The following TAFA4 variants were observed in gnomAD, a reference collection of about 807,000 sequenced individuals.
The protein encoded by TAFA4 is chemokine-like protein TAFA-4.
In TAFA4, 20 loss-of-function variants were observed where a neutral mutation model predicts 21.1. The observed-to-expected ratio is 0.95, with a 90% CI of 0.67 to 1.38. TAFA4 has a LOEUF of 1.38. TAFA4 is among the 40% of genes most tolerant of loss of function. The pLI is 0.00. For missense variants in TAFA4, 211 were observed against 180.9 expected (o/e 1.17, Z -0.95); for synonymous variants, 71 against 67.4 (o/e 1.05, Z -0.26).
intron 4 of TAFA4, among the ~76,000 whole-genome samples, chr3:68,741,072 C>G (rs376154064): frequency 6.6e-6 from 1 of 152,144 alleles, no homozygotes; most frequent in Non-Finnish European, 1.5e-5. Context: ...TAATTGGAAT[C>G]GGGCTGTGTG....
intron 3 of TAFA4, among the ~76,000 whole-genome samples, chr3:68,834,728 C>T (rs1399740296): frequency 6.6e-6 from 1 of 152,080 alleles, no homozygotes; most frequent in Admixed American, 6.6e-5. Context: ...TCCTTGATTC[C>T]CCTCTTTCTC....
At chr3:68,903,013 T>TA (rs34313032) in intron 1 of TAFA4, among the ~76,000 whole-genome samples, 67,344 of 151,248 alleles carry the variant, frequency 0.45, 16,005 homozygotes, top group East Asian at 0.81. Context: ...CTGAAAAAAT[T>TA]AAAAAAAATC....
intron 4 of TAFA4, among the ~76,000 whole-genome samples, chr3:68,743,942 C>T (rs2106737600): frequency 6.6e-6 from 1 of 152,324 alleles, no homozygotes; most frequent in South Asian, 2.1e-4. Context: ...CTGAATACCA[C>T]AGATTGGTTC....
At chr3:68,789,328 T>C (rs1203946073) in intron 3 of TAFA4, among the ~76,000 whole-genome samples, 1 of 152,184 alleles carries the variant, frequency 6.6e-6, no homozygotes, top group Non-Finnish European at 1.5e-5. Context: ...CTGGGCTTTC[T>C]AGTCTGCTGG....
intron 3 of TAFA4, among the ~76,000 whole-genome samples, chr3:68,783,667 CACACACAGAGAG>C (rs1233402597): frequency 7.9e-4 from 74 of 93,950 alleles, no homozygotes; most frequent in Middle Eastern, 9.4e-3. Flanking sequence ...CACAGACACA[CACACACAGAGAG>C]AGAGAGAGAG....
At chr3:68,828,647 T>C (rs1157407421) in intron 3 of TAFA4, among the ~76,000 whole-genome samples, 2 of 152,220 alleles carry the variant, frequency 1.3e-5, no homozygotes, top group Non-Finnish European at 2.9e-5. Context: ...CAATTGTGAA[T>C]GGGAGTTCAC....
chr3:68,881,948 C>T (rs1301270182), intron 2 of TAFA4, among the ~76,000 whole-genome samples: 2 of 152,310 alleles, frequency 1.3e-5, no homozygotes, highest in African/African-American at 2.4e-5. Flanking sequence ...CCACACCATA[C>T]GCCGAGGCAC....
chr3:68,853,868 C>T (rs1004520939), intron 3 of TAFA4, among the ~76,000 whole-genome samples: 7 of 152,022 alleles, frequency 4.6e-5, no homozygotes, highest in African/African-American at 1.4e-4. Context: ...TTCCTGGGCT[C>T]AGAGCATACA....
chr3:68,903,013 T>TAA (rs34313032), intron 1 of TAFA4, among the ~76,000 whole-genome samples: 5 of 151,250 alleles, frequency 3.3e-5, no homozygotes, highest in East Asian at 1.9e-4. Flanking sequence ...CTGAAAAAAT[T>TAA]AAAAAAAATC....
chr3:68,918,931 A>G (rs1285517587), intron 1 of TAFA4, among the ~76,000 whole-genome samples: 1 of 152,136 alleles, frequency 6.6e-6, no homozygotes, highest in Non-Finnish European at 1.5e-5. Context: ...AAAATACCAT[A>G]TACACAGACA....
chr3:68,778,376 T>G (rs1703087528), intron 3 of TAFA4, among the ~76,000 whole-genome samples: 1 of 152,192 alleles, frequency 6.6e-6, no homozygotes, highest in African/African-American at 2.4e-5. Flanking sequence ...GGAATGTATC[T>G]AATACCAGAG....
intron 3 of TAFA4, among the ~76,000 whole-genome samples, chr3:68,836,351 T>C (rs949367956): frequency 1.3e-5 from 2 of 152,220 alleles, no homozygotes; most frequent in African/African-American, 4.8e-5. Context: ...CAGGGGATAA[T>C]AGCTGTTTGA....
At chr3:68,833,539 A>G (rs900049736) in intron 3 of TAFA4, among the ~76,000 whole-genome samples, 2 of 152,200 alleles carry the variant, frequency 1.3e-5, no homozygotes, top group Non-Finnish European at 2.9e-5. Flanking sequence ...TAAAGCATTT[A>G]GGCACTTAGG....
intron 3 of TAFA4, among the ~76,000 whole-genome samples, chr3:68,780,404 C>A (rs1410413823): frequency 1.3e-5 from 2 of 152,146 alleles, no homozygotes; most frequent in African/African-American, 4.8e-5. Flanking sequence ...CTGTTTCCTA[C>A]CCATATCTCA....
At chr3:68,882,889 G>A (rs995066269) in intron 2 of TAFA4, 1 of 152,206 alleles carries the variant, frequency 6.6e-6, no homozygotes, top group African/African-American at 2.4e-5. Flanking sequence ...AAAGCAGAGA[G>A]GCTCCATGTT....
chr3:68,889,555 T>C (rs1018625431), intron 1 of TAFA4, among the ~76,000 whole-genome samples: 4 of 152,180 alleles, frequency 2.6e-5, no homozygotes, highest in African/African-American at 4.8e-5. Context: ...TTCGGTCTGC[T>C]ACACCCACCT....
intron 3 of TAFA4, among the ~76,000 whole-genome samples, chr3:68,759,400 T>C (rs1020760076): frequency 1.3e-5 from 2 of 152,200 alleles, no homozygotes; most frequent in African/African-American, 2.4e-5. Flanking sequence ...CTTACAACCA[T>C]GTATGACATA....
intron 3 of TAFA4, among the ~76,000 whole-genome samples, chr3:68,845,032 G>T (rs973431071): frequency 1.3e-5 from 2 of 152,178 alleles, no homozygotes; most frequent in African/African-American, 4.8e-5. Context: ...GATCTACTAG[G>T]TCCGCTTGGT....
intron 1 of TAFA4, among the ~76,000 whole-genome samples, chr3:68,893,206 T>C (rs967293588): frequency 6.6e-6 from 1 of 152,262 alleles, no homozygotes; most frequent in African/African-American, 2.4e-5. Context: ...GGAGATTATC[T>C]ACAAGTTGCC....
Sources: gnomAD v4.1 joint callset for allele counts (sites outside exome capture counted in the v4.1 genomes callset) on GRCh38, gnomAD v4.1.1 for gene constraint, MANE v1.5 for transcripts, NCBI Gene and HGNC (gene_info 2026-07-23, HGNC 2026-07-21) for gene names.